PLXNA4: variants seen among roughly 807,000 people sequenced by gnomAD.
The protein encoded by PLXNA4 is plexin-A4.
PLXNA4 carries 44 observed loss-of-function variants against 191.8 expected under a neutral mutation model. That is an observed-to-expected ratio of 0.23 (90% confidence interval 0.18 to 0.29). PLXNA4 has a LOEUF of 0.29. Among genes scored for constraint, PLXNA4 ranks in the 10% least tolerant of loss-of-function variants. The probability of loss-of-function intolerance (pLI) is 1.00; values close to 1 mark genes in which losing one functional copy is unlikely to be tolerated. For missense variants in PLXNA4, 1,800 were observed against 2,488.8 expected, an observed-to-expected ratio of 0.72 and a Z score of 5.89; for synonymous variants, 1,082 against 1,009.5, an observed-to-expected ratio of 1.07 and a Z score of -1.36.
intron 3 of PLXNA4, among the ~76,000 whole-genome samples, chr7:132,463,140 C>T (rs188981308): frequency 2.6e-5 from 4 of 152,106 alleles, no homozygotes; most frequent in East Asian, 1.9e-4. Flanking sequence ...CGTGAGCCAT[C>T]GCGCCCAGCC....
intron 3 of PLXNA4, among the ~76,000 whole-genome samples, chr7:132,472,464 G>A (rs1329803387): frequency 2.0e-5 from 3 of 152,146 alleles, no homozygotes; most frequent in East Asian, 1.9e-4. Flanking sequence ...AAGGAAACTG[G>A]GAGCTGAAAA....
upstream of PLXNA4, among the ~76,000 whole-genome samples, chr7:132,578,240 A>G (rs926816400): frequency 4.6e-5 from 7 of 151,988 alleles, no homozygotes; most frequent in Non-Finnish European, 8.8e-5. Context: ...AACTCTGTGC[A>G]TGCCACCCTC....
At chr7:132,167,365 G>A (rs1189126944) in intron 22 of PLXNA4, among the ~76,000 whole-genome samples, 1 of 152,142 alleles carries the variant, frequency 6.6e-6, no homozygotes, top group Non-Finnish European at 1.5e-5. Context: ...GCCTACAGCA[G>A]GTGCGAGGAA....
chr7:132,577,373 C>A, upstream of PLXNA4: 1 of 151,818 alleles, frequency 6.6e-6, no homozygotes, highest in South Asian at 2.0e-4. Flanking sequence ...GGGTCCTCCT[C>A]TCCTCCCTCC....
At chr7:132,544,951 C>A (rs1328933056) in intron 1 of PLXNA4, among the ~76,000 whole-genome samples, 1 of 152,224 alleles carries the variant, frequency 6.6e-6, no homozygotes, top group Non-Finnish European at 1.5e-5. Flanking sequence ...ACCTGTGCTA[C>A]AATAGAGGGG....
chr7:132,348,990 T>A (rs909288371), intron 3 of PLXNA4, among the ~76,000 whole-genome samples: 3 of 152,098 alleles, frequency 2.0e-5, no homozygotes, highest in African/African-American at 7.2e-5. Context: ...GAGGCGCCCC[T>A]CCGTGTTCCC....
Position 132,124,607 on chromosome 7 carries a change from C to T in PLXNA4, c.*5872G>A, listed in dbSNP as rs931403727. On this transcript the variant is annotated 3_prime_UTR_variant, in exon 32 of 32. Coordinates refer to ENST00000321063, the MANE Select transcript of PLXNA4 (RefSeq NM_020911.2). ...GACCAAGTCTACTTGCTTTTGCAAT[C>T]CTGGCGGAGGGAAAGCTTGGGTCTT... 6.6e-6 allele frequency: 1 copy of T among 152,272 alleles called. No individual in the cohort carries two copies. Among genetic ancestry groups the T allele is most frequent in the African/African-American group, 2.4e-5 (1 of 41,482 alleles). The allele number at this position is 152,272 out of a possible 1,614,324, so 9.4% of individuals were successfully genotyped here.
intron 2 of PLXNA4, among the ~76,000 whole-genome samples, chr7:132,623,881 C>T (rs1270708624): frequency 6.6e-6 from 1 of 152,158 alleles, no homozygotes; most frequent in East Asian, 1.9e-4. Context: ...TGCTTAGTTG[C>T]TTTTTGCCTG....
chr7:132,130,645 G>T (rs1584742975), intron 31 of PLXNA4, 71 bp from the exon 32 acceptor site: 3 of 1,605,362 alleles, frequency 1.9e-6, no homozygotes, highest in African/African-American at 2.7e-5. Flanking sequence ...GAGGCACAAA[G>T]ATGGTGTGGA....
intron 4 of PLXNA4, among the ~76,000 whole-genome samples, chr7:132,254,707 C>T (rs187248404): frequency 3.3e-5 from 5 of 152,294 alleles, no homozygotes; most frequent in Admixed American, 6.5e-5. Flanking sequence ...CTGACCCCAC[C>T]GGACTGTAGT....
chr7:132,302,097 A>T (rs2116524380), intron 3 of PLXNA4, among the ~76,000 whole-genome samples: 1 of 152,318 alleles, frequency 6.6e-6, no homozygotes, highest in South Asian at 2.1e-4. Flanking sequence ...TCTCCATGGG[A>T]CTTCGGGCAG....
At chr7:132,350,499 G>A (rs999647540) in intron 3 of PLXNA4, among the ~76,000 whole-genome samples, 8 of 151,966 alleles carry the variant, frequency 5.3e-5, no homozygotes, top group African/African-American at 1.9e-4. Flanking sequence ...CTGGGAGTCT[G>A]TCTCAAAAAA....
intron 30 of PLXNA4, among the ~76,000 whole-genome samples, chr7:132,135,986 T>C (rs1795100313): frequency 6.6e-6 from 1 of 152,124 alleles, no homozygotes. Context: ...CAGCCCAGTG[T>C]CTGTGGGTGT....
intron 5 of PLXNA4, among the ~76,000 whole-genome samples, chr7:132,240,650 T>C (rs1163590200): frequency 6.6e-6 from 1 of 152,218 alleles, no homozygotes; most frequent in East Asian, 1.9e-4. Flanking sequence ...ATCTTGTTTA[T>C]GATTTCGGGG....
chr7:132,613,813 G>A (rs1405970769), intron 2 of PLXNA4, among the ~76,000 whole-genome samples: 2 of 152,176 alleles, frequency 1.3e-5, no homozygotes, highest in Admixed American at 1.3e-4. Flanking sequence ...ATAATTACAT[G>A]TAAAGTCTGC....
chr7:132,250,253 A>C (rs1799201066), intron 4 of PLXNA4, among the ~76,000 whole-genome samples: 1 of 152,176 alleles, frequency 6.6e-6, no homozygotes, highest in Admixed American at 6.5e-5. Flanking sequence ...CCTCCGATAA[A>C]ATGCCCCTGT....
chr7:132,169,394 G>C (rs1796217848), intron 21 of PLXNA4, among the ~76,000 whole-genome samples: 2 of 152,186 alleles, frequency 1.3e-5, no homozygotes, highest in Admixed American at 1.3e-4. Context: ...ATGTCCAGGG[G>C]TGTGCATTGC....
chr7:132,503,506 C>A (rs896672401), intron 2 of PLXNA4, among the ~76,000 whole-genome samples: 2 of 152,068 alleles, frequency 1.3e-5, no homozygotes, highest in African/African-American at 2.4e-5. Context: ...GTGTCAGGTC[C>A]CCCCCAGAGA....
chr7:132,529,218 C>A (rs998537208), intron 1 of PLXNA4, among the ~76,000 whole-genome samples: 1 of 152,198 alleles, frequency 6.6e-6, no homozygotes, highest in Non-Finnish European at 1.5e-5. Context: ...GTTGGTGTCA[C>A]CTTGTTTAAC....
Sources: gnomAD v4.1 joint callset for allele counts (sites outside exome capture counted in the v4.1 genomes callset) on GRCh38, gnomAD v4.1.1 for gene constraint, MANE v1.5 for transcripts, NCBI Gene and HGNC (gene_info 2026-07-23, HGNC 2026-07-21) for gene names.